PPP1R37: variants seen among roughly 807,000 people sequenced by gnomAD.
The protein encoded by PPP1R37 is leucine rich repeat containing 68.
In PPP1R37, 21 loss-of-function variants were observed where a neutral mutation model predicts 61.0. The ratio of observed to expected loss-of-function variants is 0.34; its 90% CI spans 0.24 to 0.50. The LOEUF (loss-of-function observed/expected upper bound fraction) is 0.50. PPP1R37 is among the 20% of genes least tolerant of loss of function. The pLI, the probability that PPP1R37 is intolerant of heterozygous loss-of-function variation, is 0.98. For missense variants in PPP1R37, 910 were observed against 952.7 expected, an observed-to-expected ratio of 0.96 and a Z score of 0.59; for synonymous variants, 443 against 433.5, an observed-to-expected ratio of 1.02 and a Z score of -0.27.
intron 1 of PPP1R37, among the ~76,000 whole-genome samples, chr19:45,100,823 G>A (rs1467276982): frequency 3.9e-5 from 6 of 152,204 alleles, no homozygotes; most frequent in East Asian, 1.9e-4. Flanking sequence ...ACTGTGGTTC[G>A]TGGACAGCTT....
chr19:45,142,000 G>A lies in PPP1R37; in HGVS notation c.568-61G>A, dbSNP rs950604576. 3.9e-6 allele frequency: 5 copies of A among 1,279,900 alleles called. No homozygotes were observed. The African/African-American group carries it at 4.4e-5, about 11-fold the overall frequency. The allele number at this position is 1,279,900 out of a possible 1,614,324, so 79.3% of individuals were successfully genotyped here. On this transcript the variant is annotated intron_variant, in intron 5 of 12. Coordinates refer to ENST00000221462, the MANE Select transcript of PPP1R37 (RefSeq NM_019121.2). ...CAGGGAGTGCTGGGGCGGTCCTGGG[G>A]CCAGGGAGTGCTGGGGCAGGCCTGA...
At position 45,145,685 on chromosome 19, in the gene PPP1R37, G is replaced by A. The variant is rs1178638141; in HGVS notation, c.1629G>A (p.Arg543=). ...PPTDSLGPGD[R]SPPGSPSTPT... ...CGGACTCCCTGGGCCCTGGGGACAG[G>A]AGTCCCCCAGGCAGCCCCTCCACAC... The change falls in exon 11 of 13, where the codon AGG becomes AGA. Residue 543 remains arginine, a synonymous_variant. Coordinates refer to ENST00000221462, the MANE Select transcript of PPP1R37 (RefSeq NM_019121.2). 5 of 1,534,584 alleles carry A rather than the reference G, an allele frequency of 3.3e-6. No homozygotes were observed. Among genetic ancestry groups the A allele is most frequent in the African/African-American group, 1.4e-5 (1 of 72,940 alleles).
intron 1 of PPP1R37, among the ~76,000 whole-genome samples, chr19:45,097,051 C>G (rs1600153562): frequency 1.3e-5 from 2 of 152,038 alleles, no homozygotes. Flanking sequence ...GTTCACTGGC[C>G]ATGGGGCTGT....
chr19:45,128,783 C>G lies in PPP1R37; in HGVS notation c.203-9731C>G, dbSNP rs1968440764. The G allele has an allele frequency of 4.7e-6, 3 of 635,436 alleles. No homozygotes were observed. The South Asian group carries it at 5.1e-5, about 11-fold the overall frequency. 39.4% of individuals were successfully genotyped at this position (635,436 alleles called of 1,614,324 possible). On this transcript the variant is annotated intron_variant, in intron 1 of 12. Coordinates refer to ENST00000221462, the MANE Select transcript of PPP1R37 (RefSeq NM_019121.2). ...TTACTGGGAAGAAATATAAAAATAA[C>G]TGCCTGTCACCTTATAATGTGGGTG... is the stretch of plus-strand genomic sequence containing the variant.
chr19:45,144,267 C>T (rs1389793915), intron 8 of PPP1R37: 1 of 152,380 alleles, frequency 6.6e-6, no homozygotes, highest in Non-Finnish European at 1.5e-5. Flanking sequence ...CCCTCCTCGG[C>T]CTCCCAAAGT....
intron 6 of PPP1R37, 30 bp from the exon 7 acceptor site, chr19:45,142,273 C>T: frequency 6.5e-7 from 1 of 1,534,982 alleles, no homozygotes; most frequent in Non-Finnish European, 8.7e-7. Flanking sequence ...AGGGGCCTGC[C>T]CAGTCACCGT....
intron 1 of PPP1R37, chr19:45,136,457 CA>C (rs1968540363): frequency 6.6e-6 from 1 of 152,194 alleles, no homozygotes; most frequent in South Asian, 2.1e-4. Flanking sequence ...TGGTTAAGAC[CA>C]GGGCATGCAT....
At chr19:45,105,349 G>GCCA (rs1968116629) in intron 1 of PPP1R37, among the ~76,000 whole-genome samples, 1 of 152,138 alleles carries the variant, frequency 6.6e-6, no homozygotes, top group South Asian at 2.1e-4. Flanking sequence ...TGACTTGCTG[G>GCCA]GGGTCATAGG....
At chr19:45,110,316 G>A (rs1008317335) in intron 1 of PPP1R37, among the ~76,000 whole-genome samples, 2 of 151,796 alleles carry the variant, frequency 1.3e-5, no homozygotes, top group African/African-American at 4.8e-5. Flanking sequence ...GGGTTTCCCT[G>A]TGTTGCCCAG....
At chr19:45,146,230 T>TG in intron 11 of PPP1R37, 160 bp from the exon 12 acceptor site, 1 of 905,908 alleles carries the variant, frequency 1.1e-6, no homozygotes, top group Non-Finnish European at 1.6e-6. Flanking sequence ...GAGCTCTTCC[T>TG]GGGGTGGGGG....
chr19:45,145,980 G>T lies in PPP1R37; in HGVS notation c.1924G>T (p.Ala642Ser). The T allele has an allele frequency of 6.5e-7, 1 of 1,534,426 alleles. No individual in the cohort carries two copies. The highest frequency in any genetic ancestry group is 8.7e-7 in the Non-Finnish European group (1 of 1,146,210). The change falls in exon 11 of 13, where the codon GCC becomes TCC. Residue 642 changes from alanine to serine, a missense_variant. Physicochemically the swap from Ala to Ser is moderately conservative, Grantham distance 99 (BLOSUM62 1). Coordinates refer to ENST00000221462, the MANE Select transcript of PPP1R37 (RefSeq NM_019121.2). ...PLPNGLKPEF[A>S]LALPPEPPPG... ...GCCCAACGGCCTGAAGCCCGAGTTC[G>T]CCCTGGCACTGCCCCCTGAGCCGCC...
intron 1 of PPP1R37, among the ~76,000 whole-genome samples, chr19:45,126,098 C>T (rs1208746727): frequency 6.6e-6 from 1 of 152,188 alleles, no homozygotes; most frequent in Non-Finnish European, 1.5e-5. Context: ...GCAGAGAGGC[C>T]CAGCACCGGA....
At position 45,146,037 on chromosome 19, in the gene PPP1R37, G is replaced by A. The variant is rs779129241; in HGVS notation, c.1981G>A (p.Gly661Ser). 49 of 1,529,932 alleles carry A rather than the reference G, an allele frequency of 3.2e-5. No individual in the cohort carries two copies. The African/African-American group carries it at 4.5e-4, about 14-fold the overall frequency. The allele number at this position is 1,529,932 out of a possible 1,614,324, so 94.8% of individuals were successfully genotyped here. ...PGPEVKGGSCGLEHELSCSKN... is the reference protein window; with the variant it reads ...PGPEVKGGSCSLEHELSCSKN... ...GCCTGAGGTCAAGGGGGGCAGCTGC[G>A]GCCTGGAGCACGGTGAGAGGGGCCC... The change falls in exon 11 of 13, where the codon GGC becomes AGC. Residue 661 changes from glycine to serine, a missense_variant. Physicochemically the swap from Gly to Ser is moderately conservative, Grantham distance 56 (BLOSUM62 0). Transcript: ENST00000221462.
chr19:45,135,501 C>T (rs1198358918), intron 1 of PPP1R37, among the ~76,000 whole-genome samples: 1 of 152,244 alleles, frequency 6.6e-6, no homozygotes, highest in African/African-American at 2.4e-5. Flanking sequence ...CCCTGTAAAA[C>T]AGCTACGCTT....
Position 45,128,701 on chromosome 19 carries a change from C to A in PPP1R37, c.203-9813C>A, listed in dbSNP as rs547517017. The A allele has an allele frequency of 5.2e-4, 541 of 1,036,362 alleles. 4 individuals are homozygous for A. The African/African-American group carries it at 8.2e-3, about 16-fold the overall frequency. The allele number at this position is 1,036,362 out of a possible 1,614,324, so 64.2% of individuals were successfully genotyped here. On this transcript the variant is annotated intron_variant, in intron 1 of 12. Coordinates refer to ENST00000221462, the MANE Select transcript of PPP1R37 (RefSeq NM_019121.2). ...CCCTGTAAGGTCTTTGAGATGTCTG[C>A]TTGGAAGACTGGCAAGCACAGCCGC...
chr19:45,145,947 C>T lies in PPP1R37; in HGVS notation c.1891C>T (p.Pro631Ser). ...QPPPEPPRSG[P>S]PLPNGLKPEF... The stretch of plus-strand genomic sequence containing the variant: ...ACCACCGGAGCCGCCTCGGTCAGGG[C>T]CACCACTGCCCAACGGCCTGAAGCC... The change falls in exon 11 of 13, where the codon CCA becomes TCA. Residue 631 changes from proline to serine, a missense_variant. By Grantham distance (74) the Pro-to-Ser change is moderately conservative (BLOSUM62 -1). This residue lies in a region of PPP1R37 where 549 missense variants were observed against 505.1 expected (regional missense o/e 1.09). Coordinates refer to ENST00000221462, the MANE Select transcript of PPP1R37 (RefSeq NM_019121.2). 1 of 1,534,710 alleles carries T rather than the reference C, an allele frequency of 6.5e-7. No individual in the cohort carries two copies. Among genetic ancestry groups the T allele is most frequent in the Non-Finnish European group, 8.7e-7 (1 of 1,146,424 alleles).
intron 1 of PPP1R37, among the ~76,000 whole-genome samples, chr19:45,111,434 C>T (rs1293059061): frequency 1.3e-5 from 2 of 152,062 alleles, no homozygotes; most frequent in Non-Finnish European, 2.9e-5. Context: ...ACCACCACAC[C>T]CAGCTAACTT....
intron 1 of PPP1R37, chr19:45,137,096 C>T (rs1968548664): frequency 6.6e-6 from 1 of 152,232 alleles, no homozygotes; most frequent in Non-Finnish European, 1.5e-5. Flanking sequence ...CCTTCCCTGC[C>T]CATTGTGGCA....
At position 45,146,387 on chromosome 19, in the gene PPP1R37, C is replaced by T. The variant is rs1440052413; in HGVS notation, c.1994-3C>T. The T allele has an allele frequency of 6.5e-7, 1 of 1,535,646 alleles. No homozygotes were observed. Among genetic ancestry groups the T allele is most frequent in the South Asian group, 1.2e-5 (1 of 84,024 alleles). The stretch of plus-strand genomic sequence containing the variant: ...GGGGGTGCTGGCCCGTCCTCCCACA[C>T]AGAACTGAGCTGCTCCAAGAACGAG... On this transcript the variant is annotated splice_polypyrimidine_tract_variant and splice_region_variant and intron_variant, in intron 11 of 12. Transcript: ENST00000221462.
Sources: gnomAD v4.1 joint callset for allele counts (sites outside exome capture counted in the v4.1 genomes callset) on GRCh38, gnomAD v4.1.1 for gene constraint, gnomAD v4.1.1 regional missense constraint, MANE v1.5 for transcripts, NCBI Gene and HGNC (gene_info 2026-07-23, HGNC 2026-07-21) for gene names.